TMEM177: variants seen among roughly 807,000 people sequenced by gnomAD.
TMEM177 encodes the protein transmembrane protein 177.
A neutral mutation model predicts 14.2 loss-of-function variants in TMEM177; 4 were observed. The observed-to-expected ratio is 0.28, with a 90% CI of 0.14 to 0.64. The LOEUF is 0.64. TMEM177 is among the 30% of genes least tolerant of loss of function. TMEM177 has a pLI of 0.82. For missense variants in TMEM177, 344 were observed against 405.2 expected (o/e 0.85, Z 1.30); for synonymous variants, 179 against 174.5 (o/e 1.03, Z -0.20).
At chr2:119,707,110 G>A in the TMEM177 span, among the ~76,000 whole-genome samples, 1 of 151,834 alleles carries the variant, frequency 6.6e-6, no homozygotes, top group East Asian at 1.9e-4. Flanking sequence ...ACAGGGTTTC[G>A]CCATGTTAGC....
chr2:119,690,252 C>A (rs542719222), downstream of TMEM177, among the ~76,000 whole-genome samples: 1 of 152,138 alleles, frequency 6.6e-6, no homozygotes, highest in Non-Finnish European at 1.5e-5. Context: ...CTTTCCCCTT[C>A]GCTCTCTCCT....
At chr2:119,705,813 C>A in the TMEM177 span, among the ~76,000 whole-genome samples, 1 of 151,520 alleles carries the variant, frequency 6.6e-6, no homozygotes, top group East Asian at 1.9e-4. Context: ...CATTGGGGGC[C>A]ATTTTAGGGT....
At chr2:119,705,253 G>C in the TMEM177 span, among the ~76,000 whole-genome samples, 1 of 152,138 alleles carries the variant, frequency 6.6e-6, no homozygotes, top group Non-Finnish European at 1.5e-5. Context: ...TTATCTCACA[G>C]TTCCTGGGCA....
At chr2:119,690,834 G>A (rs766244112), downstream of TMEM177, among the ~76,000 whole-genome samples, 3 of 152,216 alleles carry the variant, frequency 2.0e-5, no homozygotes, top group Admixed American at 6.5e-5. Context: ...TCAGCTCACT[G>A]GCTTGGTTTT....
Position 119,681,553 on chromosome 2 carries a change from C to T in TMEM177, c.700C>T (p.Arg234Cys), listed in dbSNP as rs371117501. 1.5e-5 allele frequency: 24 copies of T among 1,614,104 alleles called. No individual in the cohort carries two copies. The highest frequency in any genetic ancestry group is 8.9e-5 in the East Asian group (4 of 44,890). Residue 234 changes from arginine to cysteine, a missense_variant, in exon 2 of 2, where the codon CGC (arginine) becomes TGC (cysteine). By Grantham distance (180) the Arg-to-Cys change is radical (BLOSUM62 -3). Transcript: ENST00000272521. ...TGCCGTGGAGTCCTGGCTGGACCGC[C>T]GCACGGCCTCCCTCTCTGCAGCCTA... ...THAVESWLDR[R>C]TASLSAAYAC... is the part of the protein sequence containing the mutation.
chr2:119,708,969 C>T, the TMEM177 span, among the ~76,000 whole-genome samples: 1 of 152,198 alleles, frequency 6.6e-6, no homozygotes, highest in South Asian at 2.1e-4. Context: ...TAAAGGTTAC[C>T]TATTCTGAGA....
At chr2:119,706,300 A>G in the TMEM177 span, among the ~76,000 whole-genome samples, 34,508 of 152,046 alleles carry the variant, frequency 0.23, 4,031 homozygotes, top group South Asian at 0.34. Context: ...TGCTGGGATT[A>G]CAGGCGTGAG....
At chr2:119,685,998 C>T (rs1053002787), downstream of TMEM177, 7 of 371,656 alleles carry the variant, frequency 1.9e-5, no homozygotes, top group Non-Finnish European at 1.9e-5. Context: ...GGGAACAGGA[C>T]GGAAGGGCAG....
downstream of TMEM177, among the ~76,000 whole-genome samples, chr2:119,684,941 G>A (rs1688985981): frequency 6.6e-6 from 1 of 152,168 alleles, no homozygotes; most frequent in South Asian, 2.1e-4. Context: ...TTGTCGCTAA[G>A]TTGGGTGGTA....
the TMEM177 span, among the ~76,000 whole-genome samples, chr2:119,706,275 C>G: frequency 6.6e-6 from 1 of 152,090 alleles, no homozygotes; most frequent in Admixed American, 6.6e-5. Flanking sequence ...ATCTGCCTGC[C>G]TCGGCCTTCC....
Position 119,681,274 on chromosome 2 carries a change from G to A in TMEM177, c.421G>A (p.Ala141Thr), listed in dbSNP as rs760767643. 1.9e-6 allele frequency: 3 copies of A among 1,614,152 alleles called. No individual in the cohort carries two copies. The highest frequency in any genetic ancestry group is 2.7e-5 in the African/African-American group (2 of 74,952). ...WRSPAGARLR[A>T]SLTLSREAQK... is the part of the protein sequence containing the mutation. The stretch of plus-strand genomic sequence containing the variant: ...GAGCCCAGCAGGCGCCCGGCTGAGA[G>A]CTTCCCTGACCTTGTCCCGTGAAGC... Residue 141 changes from alanine (A) to threonine (T), a missense_variant, in exon 2 of 2, where the codon GCT becomes ACT. Coordinates refer to ENST00000272521, the MANE Select transcript of TMEM177 (RefSeq NM_030577.3).
chr2:119,710,007 A>C, the TMEM177 span, among the ~76,000 whole-genome samples: 1 of 152,148 alleles, frequency 6.6e-6, no homozygotes, highest in African/African-American at 2.4e-5. Flanking sequence ...AATGGGGAGT[A>C]ACTGGTTAAT....
chr2:119,706,732 C>T, the TMEM177 span, among the ~76,000 whole-genome samples: 968 of 152,126 alleles, frequency 6.4e-3, 21 homozygotes, highest in East Asian at 0.064. Flanking sequence ...ACTCCAGGAC[C>T]GGTGAAGCTG....
At chr2:119,707,160 A>T in the TMEM177 span, among the ~76,000 whole-genome samples, 1 of 152,006 alleles carries the variant, frequency 6.6e-6, no homozygotes, top group South Asian at 2.1e-4. Context: ...AAGTGTTGGG[A>T]TTACAGGCAT....
At position 119,681,044 on chromosome 2, in the gene TMEM177, T is replaced by C; in HGVS notation, c.191T>C (p.Leu64Pro). ...CCGCTCCCTCCACAGCTGCAGAGCC[T>C]CTTCCAAGAGGTGCTACAGGACATA... is the stretch of plus-strand genomic sequence containing the variant. ...PAPLPPQLQS[L>P]FQEVLQDIGV... is the part of the protein sequence containing the mutation. The change falls in exon 2 of 2, where the codon CTC (leucine) becomes CCC (proline). Residue 64 changes from leucine (L) to proline (P), a missense_variant. Transcript: ENST00000272521. 1.2e-6 allele frequency: 2 copies of C among 1,614,210 alleles called. No homozygotes were observed. The highest frequency in any genetic ancestry group is 1.7e-5 in the Admixed American group (1 of 60,032).
downstream of TMEM177, among the ~76,000 whole-genome samples, chr2:119,684,490 G>A (rs13418075): frequency 0.02 from 3,066 of 152,216 alleles, 109 homozygotes; most frequent in African/African-American, 0.07. Context: ...GCAGTGGCAG[G>A]ATCGTGTATC....
the TMEM177 span, among the ~76,000 whole-genome samples, chr2:119,693,772 G>T: frequency 6.6e-6 from 1 of 150,846 alleles, no homozygotes; most frequent in African/African-American, 2.4e-5. Context: ...CATGACCGCT[G>T]CCCACCAGCT....
chr2:119,707,902 A>G, the TMEM177 span, among the ~76,000 whole-genome samples: 1 of 152,190 alleles, frequency 6.6e-6, no homozygotes, highest in African/African-American at 2.4e-5. Context: ...GGGACAAGCC[A>G]AGGTTTTCCC....
In TMEM177 at chr2:119,681,739, G is replaced by T; in HGVS notation, c.886G>T (p.Asp296Tyr). The T allele has an allele frequency of 6.2e-7, 1 of 1,614,150 alleles. No homozygotes were observed. Among genetic ancestry groups the T allele is most frequent in the Non-Finnish European group, 8.5e-7 (1 of 1,180,044 alleles). Residue 296 changes from aspartate (D) to tyrosine (Y), a missense_variant, in exon 2 of 2, where the codon GAC (aspartate) becomes TAC (tyrosine). Physicochemically the swap from Asp to Tyr is radical, Grantham distance 160 (BLOSUM62 -3). Coordinates refer to ENST00000272521, the MANE Select transcript of TMEM177 (RefSeq NM_030577.3). ...ACATTTACCCTACACCACCCGCCGGGACTCTGTGCTGCAGATGTGGAGGGG... is the reference window on the plus strand; with the variant it reads ...ACATTTACCCTACACCACCCGCCGGTACTCTGTGCTGCAGATGTGGAGGGG... ...IKHLPYTTRR[D>Y]SVLQMWRGML...
Sources: allele counts gnomAD v4.1 joint callset (sites outside exome capture counted in the v4.1 genomes callset), GRCh38; gene constraint gnomAD v4.1.1; transcripts MANE v1.5; gene names NCBI Gene and HGNC (gene_info 2026-07-23, HGNC 2026-07-21).